The following CSF2RB variants were observed in gnomAD, a reference collection of about 807,000 sequenced individuals.
CSF2RB encodes the protein cytokine receptor common subunit beta.
In CSF2RB, 22 loss-of-function variants were observed where a neutral mutation model predicts 67.2. The ratio of observed to expected loss-of-function variants is 0.33; its 90% CI spans 0.23 to 0.47. The LOEUF (loss-of-function observed/expected upper bound fraction) is 0.47, where lower values mean the gene tolerates loss of function less well. CSF2RB is among the 20% of genes least tolerant of loss of function. The pLI is 1.00. For synonymous variants in CSF2RB, 507 were observed against 482.9 expected (o/e 1.05, Z -0.65); for missense variants, 1,113 against 1,174.5 (o/e 0.95, Z 0.76).
In CSF2RB at chr22:36,921,872, C is replaced by T. The variant is rs41280007; in HGVS notation, c.-172-164C>T. 0.054 allele frequency among the ~76,000 whole-genome samples: 8,186 copies of T among 152,300 alleles called. 242 individuals are homozygous for T. The highest frequency in any genetic ancestry group is 0.1 in the South Asian group (492 of 4,828). On this transcript the variant is annotated intron_variant, in intron 1 of 13. Coordinates refer to ENST00000403662, the MANE Select transcript of CSF2RB (RefSeq NM_000395.3). The stretch of plus-strand genomic sequence containing the variant: ...GGTGTCAGTGATCCAAGTGGGGACC[C>T]AGTCCCTCAGGCCACACAGCGCATG...
At chr22:36,922,991 A>G (rs1001959044) in intron 2 of CSF2RB, among the ~76,000 whole-genome samples, 2 of 152,164 alleles carry the variant, frequency 1.3e-5, no homozygotes, top group Non-Finnish European at 2.9e-5. Context: ...GCCCAGGAAC[A>G]GCACACTGCG....
chr22:36,929,443 C>A lies in CSF2RB; in HGVS notation c.433C>A (p.Gln145Lys), dbSNP rs759239121. The A allele has an allele frequency of 3.7e-6, 6 of 1,614,110 alleles. No individual in the cohort carries two copies. The African/African-American group carries it at 4.0e-5, about 11-fold the overall frequency. Residue 145 changes from glutamine (Q) to lysine (K), a missense_variant, in exon 5 of 14, where the codon CAG (glutamine) becomes AAG (lysine). By Grantham distance (53) the Gln-to-Lys change is moderately conservative. Coordinates refer to ENST00000403662, the MANE Select transcript of CSF2RB (RefSeq NM_000395.3). ...EPRDLQISTD[Q>K]DHFLLTWSVA... ...CAGGGACCTGCAGATCAGCACCGAC[C>A]AGGACCACTTCCTGCTGACCTGGAG...
rs1389169859 is a variant in CSF2RB at position 36,937,540 on chromosome 22, C to T, written c.1732C>T (p.His578Tyr). The T allele has an allele frequency of 1.2e-6, 2 of 1,613,706 alleles. No homozygotes were observed. Among genetic ancestry groups the T allele is most frequent in the Non-Finnish European group, 1.7e-6 (2 of 1,179,874 alleles). The change falls in exon 14 of 14, where the codon CAC (histidine) becomes TAC (tyrosine). Residue 578 changes from histidine (H) to tyrosine (Y), a missense_variant. His to Tyr is a moderately conservative substitution (Grantham distance 83). Coordinates refer to ENST00000403662, the MANE Select transcript of CSF2RB (RefSeq NM_000395.3). This position sits in a 1 kb window ranked among gnomAD's most constrained non-coding sequence, Gnocchi z 4.6. The part of the protein sequence containing the change: ...SPQPGPPAAS[H>Y]TPEKQASSFD... ...CCAGCCAGGCCCGCCTGCCGCCTCC[C>T]ACACACCTGAGAAACAGGCTTCCAG...
rs1280956247 is a variant in CSF2RB, at chr22:36,939,704, T to C, written c.*1202T>C. 3.6e-5 allele frequency: 6 copies of C among 168,846 alleles called. No homozygotes were observed. The highest frequency in any genetic ancestry group is 6.5e-5 in the Non-Finnish European group (5 of 77,190). 10.5% of individuals were successfully genotyped at this position (168,846 alleles called of 1,614,324 possible). A position where few individuals can be genotyped will look rare whatever the true frequency, so the allele number is the denominator to read the frequency against. ...TGCTATCATTTTCTGATTAAGTCTT[T>C]TTGACTATTGACATACAGTCTTTCA... On this transcript the variant is annotated 3_prime_UTR_variant, in exon 14 of 14. Coordinates refer to ENST00000403662, the MANE Select transcript of CSF2RB (RefSeq NM_000395.3).
At chr22:36,925,367 C>T (rs1601583853) in intron 3 of CSF2RB, among the ~76,000 whole-genome samples, 1 of 152,180 alleles carries the variant, frequency 6.6e-6, no homozygotes, top group African/African-American at 2.4e-5. Flanking sequence ...GCCACATTCC[C>T]ACCTCAGTCT....
At chr22:36,919,361 A>G (rs952462731) in intron 1 of CSF2RB, among the ~76,000 whole-genome samples, 10 of 151,862 alleles carry the variant, frequency 6.6e-5, no homozygotes, top group African/African-American at 2.4e-4. Flanking sequence ...TATCTTTTTC[A>G]TTTGTGGTAT....
At position 36,922,089 on chromosome 22, in the gene CSF2RB, G is replaced by A. The variant is rs1238956089; in HGVS notation, c.-119G>A. On this transcript the variant is annotated 5_prime_UTR_variant, in exon 2 of 14. Coordinates refer to ENST00000403662, the MANE Select transcript of CSF2RB (RefSeq NM_000395.3). ...GAGGTCCCAAGAGCCTGTGAAATGG[G>A]TCTGGCCTGGCTCCCAGCTGGGCAG... The A allele has an allele frequency of 1.3e-5, 12 of 906,732 alleles. No homozygotes were observed. Among genetic ancestry groups the A allele is most frequent in the Middle Eastern group, 3.2e-4 (1 of 3,174 alleles). 56.2% of individuals were successfully genotyped at this position (906,732 alleles called of 1,614,324 possible).
At position 36,927,719 on chromosome 22, in the gene CSF2RB, A is replaced by G. The variant is rs554179393; in HGVS notation, c.391+1542A>G. 5.9e-5 allele frequency among the ~76,000 whole-genome samples: 9 copies of G among 152,280 alleles called. No individual in the cohort carries two copies. In the South Asian group the frequency reaches 6.2e-4, roughly 11 times the overall value. On this transcript the variant is annotated intron_variant, in intron 4 of 13. Transcript: ENST00000403662. ...CACTGAGGGGAAATGACATGATCAG[A>G]TGTGGATGTGAGAATGCTGGGGACA... is the stretch of plus-strand genomic sequence containing the variant.
At position 36,930,662 on chromosome 22, in the gene CSF2RB, G is replaced by A. The variant is rs775542545; in HGVS notation, c.855-11G>A. On this transcript the variant is annotated splice_polypyrimidine_tract_variant and intron_variant, in intron 7 of 13. Coordinates refer to ENST00000403662, the MANE Select transcript of CSF2RB (RefSeq NM_000395.3). ...CCCTCTCCCTGCCCTCAGCTCTGCT[G>A]TGCTCCTCAGGGAGGAAGAGTGCTC... 6.2e-6 allele frequency: 10 copies of A among 1,612,302 alleles called. No homozygotes were observed. Among genetic ancestry groups the A allele is most frequent in the Non-Finnish European group, 8.5e-6 (10 of 1,179,996 alleles).
At chr22:36,934,447 A>T (rs1569138149) in intron 10 of CSF2RB, among the ~76,000 whole-genome samples, 1 of 152,306 alleles carries the variant, frequency 6.6e-6, no homozygotes, top group East Asian at 1.9e-4. Context: ...AGGTCTCATG[A>T]TCGCTCCTCC....
At chr22:36,922,378 A>T in intron 2 of CSF2RB, 95 bp downstream of exon 2, 2 of 1,235,796 alleles carry the variant, frequency 1.6e-6, no homozygotes, top group Non-Finnish European at 2.3e-6. Context: ...CCTGCCCGCC[A>T]GCCCTCCTCC....
At chr22:36,921,066 GTA>G (rs1397454042) in intron 1 of CSF2RB, among the ~76,000 whole-genome samples, 33 of 151,194 alleles carry the variant, frequency 2.2e-4, no homozygotes, top group African/African-American at 6.8e-4. Flanking sequence ...ATGCGAGTGT[GTA>G]TGTGTGTGTG....
rs544454928 is a variant in CSF2RB, at chr22:36,926,286, G to T, written c.391+109G>T. 836 of 1,154,678 alleles carry T rather than the reference G, an allele frequency of 7.2e-4. 15 individuals carry two copies. The South Asian group carries it at 9.7e-3, about 13-fold the overall frequency. The allele number at this position is 1,154,678 out of a possible 1,614,324, so 71.5% of individuals were successfully genotyped here. A position where few individuals can be genotyped will look rare whatever the true frequency, so the allele number is the denominator to read the frequency against. ...GCAGAAGGCTGTGGCTTGGGGTTGG[G>T]TGAGGGTTTCTTGAGGGATGAGGGT... On this transcript the variant is annotated intron_variant, in intron 4 of 13. Transcript: ENST00000403662.
chr22:36,923,653 T>G, intron 3 of CSF2RB: 1 of 1,387,298 alleles, frequency 7.2e-7, no homozygotes, highest in East Asian at 3.2e-5. Context: ...CATCACAATT[T>G]AACACAATTG....
At chr22:36,922,843 G>A (rs1601580931) in intron 2 of CSF2RB, 3 of 317,476 alleles carry the variant, frequency 9.4e-6, no homozygotes, top group South Asian at 3.1e-5. Context: ...GAGAGGAGGT[G>A]GGAGGTTGCA....
Position 36,938,716 on chromosome 22 carries a change from C to T in CSF2RB, c.*214C>T. ...AGACACACACACACACACGTACATG[C>T]ACACATTTTTCCTGTCAGGTTAACT... is the stretch of plus-strand genomic sequence containing the variant. On this transcript the variant is annotated 3_prime_UTR_variant, in exon 14 of 14. Coordinates refer to ENST00000403662, the MANE Select transcript of CSF2RB (RefSeq NM_000395.3). 1.7e-6 allele frequency: 1 copy of T among 578,378 alleles called. No individual in the cohort carries two copies. The allele number at this position is 578,378 out of a possible 1,614,324, so 35.8% of individuals were successfully genotyped here.
At position 36,938,923 on chromosome 22, in the gene CSF2RB, T is replaced by C. The variant is rs1941332761; in HGVS notation, c.*421T>C. The C allele has an allele frequency of 5.1e-6, 3 of 591,874 alleles. No individual in the cohort carries two copies. The highest frequency in any genetic ancestry group is 3.0e-5 in the Admixed American group (1 of 33,810). 36.7% of individuals were successfully genotyped at this position (591,874 alleles called of 1,614,324 possible). A position where few individuals can be genotyped will look rare whatever the true frequency, so the allele number is the denominator to read the frequency against. On this transcript the variant is annotated 3_prime_UTR_variant, in exon 14 of 14. Coordinates refer to ENST00000403662, the MANE Select transcript of CSF2RB (RefSeq NM_000395.3). ...CAGACTGAGATGCGGCTGGTTGTGT[T>C]GAGGACTTGTGTGGGCTGCCTGTCC...
chr22:36,918,248 T>C (rs4821564), intron 1 of CSF2RB, among the ~76,000 whole-genome samples: 114,277 of 152,052 alleles, frequency 0.75, 43,239 homozygotes, highest in East Asian at 0.94. Context: ...CCTTACATAC[T>C]CAAAATTTTT....
Position 36,937,610 on chromosome 22 carries a change from C to T in CSF2RB, c.1802C>T (p.Ser601Phe). 6.3e-7 allele frequency: 1 copy of T among 1,577,418 alleles called. No homozygotes were observed. Among genetic ancestry groups the T allele is most frequent in the Non-Finnish European group, 8.6e-7 (1 of 1,161,360 alleles). ...TACCTGGGGCCGCCCCACAGCCGCT[C>T]CCTACCTGACATCCTGGGCCAGCCG... ...GPYLGPPHSR[S>F]LPDILGQPEP... The change falls in exon 14 of 14, where the codon TCC (serine) becomes TTC (phenylalanine). Residue 601 changes from serine to phenylalanine, a missense_variant. Ser to Phe is a radical substitution (Grantham distance 155). Coordinates refer to ENST00000403662, the MANE Select transcript of CSF2RB (RefSeq NM_000395.3). The surrounding 1 kb of genome is among the most constrained non-coding windows in gnomAD (Gnocchi z 4.6).
Sources: gnomAD v4.1 joint callset for allele counts (sites outside exome capture counted in the v4.1 genomes callset) on GRCh38, gnomAD v4.1.1 for gene constraint, Gnocchi (gnomAD v3.1) non-coding constraint, MANE v1.5 for transcripts, NCBI Gene and HGNC (gene_info 2026-07-23, HGNC 2026-07-21) for gene names.